Variants in CADM2 observed in about 807,000 individuals in gnomAD.
The protein encoded by CADM2 is cell adhesion molecule 2, also known as immunoglobulin superfamily member 4D.
CADM2 carries 12 observed loss-of-function variants against 49.8 expected under a neutral mutation model. The observed-to-expected ratio is 0.24, with a 90% CI of 0.15 to 0.39. The LOEUF (loss-of-function observed/expected upper bound fraction) is 0.39, where lower values mean the gene tolerates loss of function less well. Ranked by LOEUF, CADM2 falls within the 10% of genes least tolerant of loss-of-function variation. The pLI, the probability that CADM2 is intolerant of heterozygous loss-of-function variation, is 1.00. For missense variants in CADM2, 378 were observed against 492.3 expected (o/e 0.77, Z 2.20); for synonymous variants, 214 against 175.4 (o/e 1.22, Z -1.74).
At chr3:86,044,762 A>T (rs1578047496) in intron 8 of CADM2, among the ~76,000 whole-genome samples, 1 of 151,436 alleles carries the variant, frequency 6.6e-6, no homozygotes, top group Non-Finnish European at 1.5e-5. Context: ...ACATGCACAC[A>T]TGTTTATTGC....
intron 1 of CADM2, among the ~76,000 whole-genome samples, chr3:85,416,543 T>C (rs995567705): frequency 6.6e-6 from 1 of 152,178 alleles, no homozygotes; most frequent in Admixed American, 6.5e-5. Context: ...TGATCTTAAA[T>C]TGCCATTTAT....
At chr3:85,332,597 T>C (rs770295467) in intron 1 of CADM2, among the ~76,000 whole-genome samples, 9 of 152,012 alleles carry the variant, frequency 5.9e-5, no homozygotes, top group Non-Finnish European at 1.5e-5. Context: ...ATTTTCACTT[T>C]TGTATTATGT....
At chr3:85,654,317 G>C (rs1485902958) in intron 1 of CADM2, among the ~76,000 whole-genome samples, 3 of 152,212 alleles carry the variant, frequency 2.0e-5, no homozygotes, top group Non-Finnish European at 4.4e-5. Flanking sequence ...ACAGTTATTG[G>C]AATGGTGTCA....
At chr3:85,988,952 A>T (rs1021722843) in intron 8 of CADM2, among the ~76,000 whole-genome samples, 1 of 152,212 alleles carries the variant, frequency 6.6e-6, no homozygotes. Context: ...GTTTTCAAAA[A>T]CATTTAAACC....
At chr3:85,720,667 T>A (rs9839124) in intron 1 of CADM2, among the ~76,000 whole-genome samples, 5,725 of 152,178 alleles carry the variant, frequency 0.038, 288 homozygotes, top group African/African-American at 0.11. Context: ...TAGAAGAAAA[T>A]CTAGTACTTA....
intron 1 of CADM2, among the ~76,000 whole-genome samples, chr3:85,595,243 G>A (rs892071233): frequency 2.6e-5 from 4 of 151,930 alleles, no homozygotes; most frequent in African/African-American, 7.2e-5. Flanking sequence ...GAGTAGATGG[G>A]TATGGAGGTG....
chr3:85,371,285 C>T (rs541962288), intron 1 of CADM2, among the ~76,000 whole-genome samples: 1 of 152,094 alleles, frequency 6.6e-6, no homozygotes, highest in Non-Finnish European at 1.5e-5. Flanking sequence ...TCCAGTCCTG[C>T]AAACACTATT....
chr3:85,551,792 G>T (rs771307347), intron 1 of CADM2, among the ~76,000 whole-genome samples: 2 of 151,986 alleles, frequency 1.3e-5, no homozygotes, highest in African/African-American at 4.8e-5. Flanking sequence ...TTCCTACTGG[G>T]TATATAATTT....
chr3:85,776,259 C>G (rs2070355689), intron 2 of CADM2, among the ~76,000 whole-genome samples: 1 of 151,066 alleles, frequency 6.6e-6, no homozygotes, highest in Admixed American at 6.6e-5. Flanking sequence ...ATAAAACAGA[C>G]TTAGTAGCCA....
intron 1 of CADM2, among the ~76,000 whole-genome samples, chr3:84,975,855 C>T (rs2031785832): frequency 6.6e-6 from 1 of 151,780 alleles, no homozygotes. Context: ...TAAGTGAATG[C>T]ACTGCTAGAC....
rs188623900 is a variant in CADM2, at chr3:85,444,323, C to T, written c.62-282199C>T. ...CTTAAACCTTCTCAAAGGCATTCCA[C>T]TTCTATCAAATGAAAATAAAATCTA... On this transcript the variant is annotated intron_variant, in intron 1 of 9. Coordinates refer to ENST00000383699, the MANE Select transcript of CADM2 (RefSeq NM_001167675.2). 2.4e-3 allele frequency among the ~76,000 whole-genome samples: 371 copies of T among 152,080 alleles called. 3 individuals are homozygous for T. Among genetic ancestry groups the T allele is most frequent in the African/African-American group, 8.6e-3 (356 of 41,510 alleles).
chr3:85,325,405 A>C (rs914639390), intron 1 of CADM2, among the ~76,000 whole-genome samples: 7 of 152,152 alleles, frequency 4.6e-5, no homozygotes, highest in African/African-American at 1.4e-4. Context: ...AATATCAGTT[A>C]ATTACTTTTC....
chr3:85,462,312 A>T (rs2038285714), intron 1 of CADM2, among the ~76,000 whole-genome samples: 2 of 152,176 alleles, frequency 1.3e-5, no homozygotes. Flanking sequence ...CAGGAATAGA[A>T]CAGCTGTAGT....
intron 1 of CADM2, among the ~76,000 whole-genome samples, chr3:85,655,358 A>G (rs2065164699): frequency 6.6e-6 from 1 of 152,000 alleles, no homozygotes; most frequent in Non-Finnish European, 1.5e-5. Context: ...ATGCAGTTTC[A>G]CCATGTTGGC....
At chr3:85,530,432 G>A (rs1362930686) in intron 1 of CADM2, among the ~76,000 whole-genome samples, 1 of 96,504 alleles carries the variant, frequency 1.0e-5, no homozygotes, top group Admixed American at 1.2e-4. Context: ...CCGGGTTCAC[G>A]CCATTCTCCT....
At chr3:85,081,307 A>G (rs2037155989) in intron 1 of CADM2, among the ~76,000 whole-genome samples, 1 of 152,162 alleles carries the variant, frequency 6.6e-6, no homozygotes, top group African/African-American at 2.4e-5. Context: ...AGAATTTCCC[A>G]GAGATTAGCT....
intron 1 of CADM2, among the ~76,000 whole-genome samples, chr3:85,403,293 C>T (rs1028637937): frequency 3.3e-5 from 5 of 151,988 alleles, no homozygotes; most frequent in South Asian, 2.1e-4. Flanking sequence ...CACACCAAAC[C>T]GAAATTGAGT....
At chr3:85,340,628 A>G (rs977797485) in intron 1 of CADM2, among the ~76,000 whole-genome samples, 2 of 151,554 alleles carry the variant, frequency 1.3e-5, no homozygotes, top group African/African-American at 4.8e-5. Flanking sequence ...GGCTCAATGT[A>G]TTGAAAAGAG....
intron 1 of CADM2, among the ~76,000 whole-genome samples, chr3:85,161,587 AT>A (rs993357069): frequency 4.9e-4 from 75 of 152,302 alleles, no homozygotes; most frequent in African/African-American, 1.7e-3. Context: ...ATAAAAAAAA[AT>A]GAATGAGTGC....
Sources: gnomAD v4.1 joint callset for allele counts (sites outside exome capture counted in the v4.1 genomes callset) on GRCh38, gnomAD v4.1.1 for gene constraint, MANE v1.5 for transcripts, NCBI Gene and HGNC (gene_info 2026-07-23, HGNC 2026-07-21) for gene names.